PPM1H: variants seen among roughly 807,000 people sequenced by gnomAD.
The protein encoded by PPM1H is protein phosphatase, Mg2+/Mn2+ dependent 1H, also known as protein phosphatase 1H.
In PPM1H, 27 loss-of-function variants were observed where a neutral mutation model predicts 54.9. The observed-to-expected ratio is 0.49, with a 90% CI of 0.36 to 0.68. The LOEUF (loss-of-function observed/expected upper bound fraction) is 0.68. Among genes scored for constraint, PPM1H ranks in the 30% least tolerant of loss-of-function variants. PPM1H has a pLI of 0.00. For missense variants in PPM1H, 596 were observed against 667.8 expected, an observed-to-expected ratio of 0.89 and a Z score of 1.19; for synonymous variants, 305 against 270.8, an observed-to-expected ratio of 1.13 and a Z score of -1.24.
At chr12:62,695,793 C>G (rs927128706) in intron 6 of PPM1H, among the ~76,000 whole-genome samples, 1 of 152,072 alleles carries the variant, frequency 6.6e-6, no homozygotes, top group Non-Finnish European at 1.5e-5. Context: ...TCAGCTTGAC[C>G]CTTAAGACAA....
intron 1 of PPM1H, among the ~76,000 whole-genome samples, chr12:62,915,374 T>G (rs1871589411): frequency 6.6e-6 from 1 of 152,254 alleles, no homozygotes; most frequent in African/African-American, 2.4e-5. Context: ...CAGCACTGGC[T>G]CTGCTCCCTG....
chr12:62,910,960 A>G (rs1379920700), intron 1 of PPM1H, among the ~76,000 whole-genome samples: 2 of 152,184 alleles, frequency 1.3e-5, no homozygotes. Flanking sequence ...AATTATGTAA[A>G]TATTTGAGCA....
rs1871255142 is a variant in PPM1H, at chr12:62,904,658, G to A, written c.245+29834C>T. 1.3e-5 allele frequency among the ~76,000 whole-genome samples: 2 copies of A among 152,114 alleles called. 1 individual carries two copies. Among genetic ancestry groups the A allele is most frequent in the South Asian group, 4.1e-4 (2 of 4,828 alleles). ...CAGGCAATGAAAGTAAAGGCAGGAG[G>A]AATTTCCACCCTTGAAGTGAAATAA... On this transcript the variant is annotated intron_variant, in intron 1 of 9. Coordinates refer to ENST00000228705, the MANE Select transcript of PPM1H (RefSeq NM_020700.2).
At chr12:62,771,887 C>T (rs543965308) in intron 4 of PPM1H, among the ~76,000 whole-genome samples, 3 of 152,130 alleles carry the variant, frequency 2.0e-5, no homozygotes, top group Non-Finnish European at 4.4e-5. Context: ...ATTAACTAAG[C>T]CTTCAGTTCT....
intron 8 of PPM1H, among the ~76,000 whole-genome samples, chr12:62,687,806 C>T (rs879336003): frequency 3.9e-5 from 6 of 151,994 alleles, no homozygotes; most frequent in Non-Finnish European, 7.4e-5. Context: ...CTCAGGAATT[C>T]AACACCAGCC....
At chr12:62,871,970 CA>C (rs1353582846) in intron 1 of PPM1H, among the ~76,000 whole-genome samples, 5 of 152,206 alleles carry the variant, frequency 3.3e-5, no homozygotes, top group Non-Finnish European at 2.9e-5. Context: ...TCAGGATTTA[CA>C]AAGTCCTGCT....
chr12:62,931,642 G>A (rs572449652), intron 1 of PPM1H, among the ~76,000 whole-genome samples: 6 of 152,246 alleles, frequency 3.9e-5, no homozygotes, highest in African/African-American at 7.2e-5. Flanking sequence ...TTGGTGTTGC[G>A]AGCTCTGGAG....
At chr12:62,745,475 C>T (rs1186793324) in intron 4 of PPM1H, among the ~76,000 whole-genome samples, 3 of 152,188 alleles carry the variant, frequency 2.0e-5, no homozygotes. Flanking sequence ...TCACAGAAGA[C>T]CTAGAGTCTT....
At chr12:62,790,047 CTGT>C (rs2076694352) in intron 3 of PPM1H, among the ~76,000 whole-genome samples, 1 of 152,182 alleles carries the variant, frequency 6.6e-6, no homozygotes. Flanking sequence ...GACGTTGATG[CTGT>C]TGTTGGCAGA....
intron 4 of PPM1H, among the ~76,000 whole-genome samples, chr12:62,786,417 C>T (rs2076671969): frequency 2.0e-5 from 3 of 152,216 alleles, no homozygotes; most frequent in Non-Finnish European, 4.4e-5. Context: ...GTGTCTGTGT[C>T]CTGGCAGGCT....
intron 4 of PPM1H, among the ~76,000 whole-genome samples, chr12:62,766,044 G>A (rs1407840827): frequency 6.6e-6 from 1 of 152,242 alleles, no homozygotes; most frequent in East Asian, 1.9e-4. Context: ...CCAGATGGGT[G>A]CCAATGCAGT....
chr12:62,900,279 C>G (rs868098250), intron 1 of PPM1H, among the ~76,000 whole-genome samples: 2 of 151,790 alleles, frequency 1.3e-5, no homozygotes, highest in South Asian at 2.1e-4. Flanking sequence ...GTTTTCTGTC[C>G]TTGTGATAGT....
At chr12:62,703,377 CTTTTTT>C (rs74743665) in intron 6 of PPM1H, among the ~76,000 whole-genome samples, 1 of 136,840 alleles carries the variant, frequency 7.3e-6, no homozygotes. Context: ...AAAAGGAGCC[CTTTTTT>C]TTTTTTTTTT....
chr12:62,719,734 A>G (rs1215850298), intron 6 of PPM1H, among the ~76,000 whole-genome samples: 1 of 152,204 alleles, frequency 6.6e-6, no homozygotes, highest in Non-Finnish European at 1.5e-5. Flanking sequence ...CCATGGAAAA[A>G]TGGGCTCTAG....
At chr12:62,866,114 C>T (rs1025611326) in intron 1 of PPM1H, among the ~76,000 whole-genome samples, 3 of 152,112 alleles carry the variant, frequency 2.0e-5, no homozygotes, top group Non-Finnish European at 4.4e-5. Context: ...TAAGAAACTG[C>T]GAAGAGGGAA....
At chr12:62,672,503 G>A (rs926650725) in intron 8 of PPM1H, among the ~76,000 whole-genome samples, 23 of 152,200 alleles carry the variant, frequency 1.5e-4, no homozygotes, top group African/African-American at 5.1e-4. Flanking sequence ...ACCAAGTTAA[G>A]ATTCAAAGAT....
intron 8 of PPM1H, among the ~76,000 whole-genome samples, chr12:62,683,033 T>TTTTTTTTATTATTA (rs1491110813): frequency 7.5e-6 from 1 of 133,674 alleles, no homozygotes; most frequent in Non-Finnish European, 1.6e-5. Flanking sequence ...GAGTTTATTA[T>TTTTTTTTATTATTA]TTATTATTAT....
At chr12:62,790,769 G>A (rs2076697408) in intron 3 of PPM1H, among the ~76,000 whole-genome samples, 1 of 152,122 alleles carries the variant, frequency 6.6e-6, no homozygotes, top group Non-Finnish European at 1.5e-5. Flanking sequence ...ACTTCAATAT[G>A]GGAGTGAACA....
At chr12:62,910,268 T>C (rs958237816) in intron 1 of PPM1H, among the ~76,000 whole-genome samples, 4 of 152,204 alleles carry the variant, frequency 2.6e-5, no homozygotes, top group African/African-American at 4.8e-5. Flanking sequence ...CATTATCAAA[T>C]TGTGATTAAG....
Sources: gnomAD v4.1 joint callset for allele counts (sites outside exome capture counted in the v4.1 genomes callset) on GRCh38, gnomAD v4.1.1 for gene constraint, MANE v1.5 for transcripts, NCBI Gene and HGNC (gene_info 2026-07-23, HGNC 2026-07-21) for gene names.